The following FGF14 variants were observed in gnomAD, a reference collection of about 807,000 sequenced individuals.
FGF14 encodes fibroblast growth factor homologous factor 4.
Under a neutral mutation model 25.5 loss-of-function variants are expected in FGF14, and 5 were observed. The observed-to-expected ratio is 0.20, with a 90% CI of 0.10 to 0.41. The LOEUF (loss-of-function observed/expected upper bound fraction) is 0.41. FGF14 is among the 10% of genes least tolerant of loss of function. The pLI is 1.00. For missense variants in FGF14, 222 were observed against 320.1 expected (o/e 0.69, Z 2.34); for synonymous variants, 138 against 118.3 (o/e 1.17, Z -1.08).
chr13:101,987,697 G>A (rs1165517262), intron 1 of FGF14, among the ~76,000 whole-genome samples: 2 of 152,052 alleles, frequency 1.3e-5, no homozygotes, highest in African/African-American at 4.8e-5. Context: ...TGTTCTGCAT[G>A]TGGGCATCCT....
chr13:102,280,526 G>A (rs1246198643), intron 1 of FGF14, among the ~76,000 whole-genome samples: 1 of 152,174 alleles, frequency 6.6e-6, no homozygotes, highest in Non-Finnish European at 1.5e-5. Flanking sequence ...AATGGAACAG[G>A]ATGTTTGATC....
At chr13:102,379,070 G>A (rs773920176) in intron 1 of FGF14, among the ~76,000 whole-genome samples, 2 of 152,090 alleles carry the variant, frequency 1.3e-5, no homozygotes, top group African/African-American at 2.4e-5. Context: ...GGAGGACACT[G>A]TCTATTAAAG....
intron 1 of FGF14, among the ~76,000 whole-genome samples, chr13:102,383,092 T>G (rs919248132): frequency 1.1e-4 from 16 of 152,094 alleles, no homozygotes; most frequent in African/African-American, 3.1e-4. Flanking sequence ...AAGGGTAAAT[T>G]TTATGGTATA....
At chr13:102,342,726 T>C (rs1165289245) in intron 1 of FGF14, among the ~76,000 whole-genome samples, 2 of 152,130 alleles carry the variant, frequency 1.3e-5, no homozygotes, top group Admixed American at 6.5e-5. Flanking sequence ...AAAATGTTGA[T>C]GTCATTTTCC....
intron 1 of FGF14, among the ~76,000 whole-genome samples, chr13:102,338,085 G>T (rs553824472): frequency 3.4e-5 from 5 of 148,810 alleles, no homozygotes; most frequent in South Asian, 4.3e-4. Context: ...ATTTTGTCTG[G>T]TTTTTTTTTT....
At chr13:101,858,491 T>C (rs1490403574) in intron 3 of FGF14, among the ~76,000 whole-genome samples, 3 of 152,096 alleles carry the variant, frequency 2.0e-5, no homozygotes, top group Non-Finnish European at 2.9e-5. Context: ...AGAATACATT[T>C]TGAAATAGTG....
intron 1 of FGF14, among the ~76,000 whole-genome samples, chr13:102,182,173 G>GAA (rs1490528472): frequency 1.3e-5 from 2 of 152,098 alleles, no homozygotes; most frequent in Non-Finnish European, 1.5e-5. Context: ...AGTAGAGAGA[G>GAA]AAATGTGGCA....
chr13:102,018,611 T>A (rs1428855088), intron 1 of FGF14, among the ~76,000 whole-genome samples: 1 of 151,650 alleles, frequency 6.6e-6, no homozygotes, highest in Non-Finnish European at 1.5e-5. Context: ...CTTCCTTCTC[T>A]GGCCCTGAGG....
At chr13:101,917,675 A>C (rs1000205844), upstream of FGF14, among the ~76,000 whole-genome samples, 1 of 151,854 alleles carries the variant, frequency 6.6e-6, no homozygotes, top group Non-Finnish European at 1.5e-5. Context: ...TCCACTCCTC[A>C]CCTAGTCCAC....
intron 1 of FGF14, among the ~76,000 whole-genome samples, chr13:102,020,921 AT>A (rs1438745650): frequency 1.4e-4 from 18 of 124,434 alleles, no homozygotes; most frequent in Non-Finnish European, 2.9e-4. Flanking sequence ...GAACACAGAG[AT>A]AAAAAAAAAA....
At chr13:102,136,910 C>T (rs543966131) in intron 1 of FGF14, among the ~76,000 whole-genome samples, 3 of 152,192 alleles carry the variant, frequency 2.0e-5, no homozygotes, top group Non-Finnish European at 4.4e-5. Flanking sequence ...ATGGACCAGT[C>T]ATGGAGTTTT....
chr13:102,077,364 T>C (rs2043411832), intron 1 of FGF14, among the ~76,000 whole-genome samples: 1 of 152,074 alleles, frequency 6.6e-6, no homozygotes, highest in South Asian at 2.1e-4. Context: ...AGACAGTCTG[T>C]GAAATGGGAG....
intron 1 of FGF14, among the ~76,000 whole-genome samples, chr13:102,207,003 C>A (rs2049955251): frequency 6.6e-6 from 1 of 152,066 alleles, no homozygotes; most frequent in South Asian, 2.1e-4. Flanking sequence ...CCCTCCTGGT[C>A]GGGTACAATG....
At position 101,788,949 on chromosome 13, in the gene FGF14, CAGAG is replaced by C. The variant is rs60324795; in HGVS notation, c.409-62143_409-62140del. Among the ~76,000 whole-genome samples the C allele has an allele frequency of 1.1e-4, 8 of 74,992 alleles. 1 individual carries two copies. The highest frequency in any genetic ancestry group is 1.7e-4 in the African/African-American group (4 of 24,134). 49.2% of individuals were successfully genotyped at this position (74,992 alleles called of 152,430 possible). A position where few individuals can be genotyped will look rare whatever the true frequency, so the allele number is the denominator to read the frequency against. On this transcript the variant is annotated intron_variant, in intron 3 of 4. Transcript: ENST00000376143. The stretch of plus-strand genomic sequence containing the variant: ...AGAGAGAGAGAGAGAGAGAGAGAGA[CAGAG>C]AGAGAGAGAGAGAGAGACAGAGATA...
At chr13:101,903,397 T>A (rs1479940666) in intron 1 of FGF14, among the ~76,000 whole-genome samples, 2 of 152,170 alleles carry the variant, frequency 1.3e-5, no homozygotes, top group Admixed American at 1.3e-4. Context: ...AGCTGTAATT[T>A]TTAAAAATAA....
intron 1 of FGF14, among the ~76,000 whole-genome samples, chr13:102,158,671 A>AG (rs1464413369): frequency 1.6e-4 from 24 of 147,212 alleles, no homozygotes; most frequent in Non-Finnish European, 3.2e-4. Context: ...AAAGTATAAT[A>AG]AAAAAAAAAA....
At chr13:102,276,562 G>A (rs1198376359) in intron 1 of FGF14, among the ~76,000 whole-genome samples, 1 of 151,768 alleles carries the variant, frequency 6.6e-6, no homozygotes, top group African/African-American at 2.4e-5. Context: ...TCAGTTCAAA[G>A]AATTATTTTT....
chr13:102,399,449 C>G (rs538409279), intron 1 of FGF14, among the ~76,000 whole-genome samples: 20 of 152,346 alleles, frequency 1.3e-4, no homozygotes, highest in African/African-American at 4.8e-4. Flanking sequence ...CAGTGTAAAG[C>G]AGTCACCCCT....
At chr13:101,723,038 C>T (rs2035101899) in intron 4 of FGF14, 71 bp from the exon 5 acceptor site, 2 of 1,554,080 alleles carry the variant, frequency 1.3e-6, no homozygotes, top group Non-Finnish European at 1.8e-6. Context: ...TCCATCCATA[C>T]CTGCATAGAC....
Sources: allele counts gnomAD v4.1 joint callset (sites outside exome capture counted in the v4.1 genomes callset), GRCh38; gene constraint gnomAD v4.1.1; transcripts MANE v1.5; gene names NCBI Gene and HGNC (gene_info 2026-07-23, HGNC 2026-07-21).